Variants in PTPRT observed in about 807,000 individuals in gnomAD.
PTPRT encodes the protein receptor-type tyrosine-protein phosphatase T.
In PTPRT, 56 loss-of-function variants were observed where a neutral mutation model predicts 176.8. The ratio of observed to expected loss-of-function variants is 0.32; its 90% CI spans 0.26 to 0.40. The LOEUF (loss-of-function observed/expected upper bound fraction) is 0.40, where lower values mean the gene tolerates loss of function less well. PTPRT is among the 10% of genes least tolerant of loss of function. PTPRT has a pLI of 1.00. For missense variants in PTPRT, 1,540 were observed against 1,908.2 expected, an observed-to-expected ratio of 0.81 and a Z score of 3.60; for synonymous variants, 783 against 739.0, an observed-to-expected ratio of 1.06 and a Z score of -0.96.
rs1004928855 is a variant in PTPRT, at chr20:42,074,977, G to A, written c.*5902C>T. ...CATGATCCTGAAAAATGTGTCAGAA[G>A]AAACTGGAGCTAGAACAGCTCCCCC... On this transcript the variant is annotated 3_prime_UTR_variant, in exon 31 of 31. Transcript: ENST00000373187. 2 of 395,742 alleles carry A rather than the reference G, an allele frequency of 5.1e-6. No homozygotes were observed. The highest frequency in any genetic ancestry group is 4.1e-5 in the African/African-American group (2 of 48,536). The allele number at this position is 395,742 out of a possible 1,614,324, so 24.5% of individuals were successfully genotyped here. A position where few individuals can be genotyped will look rare whatever the true frequency, so the allele number is the denominator to read the frequency against.
chr20:42,061,961 A>T, the PTPRT span, among the ~76,000 whole-genome samples: 1 of 152,064 alleles, frequency 6.6e-6, no homozygotes, highest in Admixed American at 6.5e-5. Flanking sequence ...TTTGTGATGA[A>T]CAAACCACGC....
At chr20:42,877,891 G>C (rs1446610023) in intron 2 of PTPRT, among the ~76,000 whole-genome samples, 1 of 152,114 alleles carries the variant, frequency 6.6e-6, no homozygotes, top group South Asian at 2.1e-4. Flanking sequence ...CTAGAACAAG[G>C]TGCAATCAGG....
chr20:42,592,015 T>C (rs1055214339), intron 7 of PTPRT, among the ~76,000 whole-genome samples: 9 of 145,736 alleles, frequency 6.2e-5, no homozygotes, highest in Non-Finnish European at 1.0e-4. Context: ...AGTCTCACTC[T>C]GTTGCCCAGG....
At chr20:42,373,303 T>C (rs1294151503) in intron 9 of PTPRT, among the ~76,000 whole-genome samples, 1 of 152,210 alleles carries the variant, frequency 6.6e-6, no homozygotes, top group Non-Finnish European at 1.5e-5. Flanking sequence ...GCCTTGTAAG[T>C]GTCACCAAAG....
chr20:42,768,063 C>G (rs2077010090), intron 5 of PTPRT, among the ~76,000 whole-genome samples: 2 of 148,508 alleles, frequency 1.3e-5, no homozygotes, highest in Non-Finnish European at 3.0e-5. Context: ...CAGCCTACTT[C>G]CAATTACCTG....
At chr20:42,885,706 C>T (rs892658571) in intron 2 of PTPRT, 101 bp downstream of exon 2, 33 of 1,438,476 alleles carry the variant, frequency 2.3e-5, no homozygotes, top group Non-Finnish European at 3.0e-5. Context: ...CTATCGATTG[C>T]CATCTCAGAG....
At chr20:43,032,473 T>TAAAAAA (rs375146456) in intron 1 of PTPRT, among the ~76,000 whole-genome samples, 2 of 121,654 alleles carry the variant, frequency 1.6e-5, no homozygotes, top group African/African-American at 3.0e-5. Flanking sequence ...ATCTTTTCAT[T>TAAAAAA]AAAAAAAAAA....
chr20:42,529,702 G>C (rs2145534540), intron 7 of PTPRT, among the ~76,000 whole-genome samples: 1 of 152,004 alleles, frequency 6.6e-6, no homozygotes, highest in East Asian at 1.9e-4. Context: ...GGCCAGGCTG[G>C]TCTCGAACTT....
At chr20:42,308,458 G>C (rs1404666427) in intron 12 of PTPRT, among the ~76,000 whole-genome samples, 1 of 152,104 alleles carries the variant, frequency 6.6e-6, no homozygotes, top group Non-Finnish European at 1.5e-5. Context: ...GAAGGTGTGT[G>C]CTTCTATGTG....
At chr20:42,404,972 T>TTATATATATATATATATATA (rs200602736) in intron 9 of PTPRT, among the ~76,000 whole-genome samples, 1,180 of 77,510 alleles carry the variant, frequency 0.015, 18 homozygotes, top group Middle Eastern at 0.031. Context: ...GGCCAATTAA[T>TTATATATATATATATATATA]TATATATATA....
At chr20:42,874,254 T>G (rs1459858289) in intron 2 of PTPRT, among the ~76,000 whole-genome samples, 1 of 152,174 alleles carries the variant, frequency 6.6e-6, no homozygotes, top group African/African-American at 2.4e-5. Context: ...AATGTGTCGC[T>G]GACACACGAC....
chr20:42,640,575 G>C (rs952771994), intron 7 of PTPRT, among the ~76,000 whole-genome samples: 2 of 151,986 alleles, frequency 1.3e-5, no homozygotes, highest in African/African-American at 4.8e-5. Context: ...TTTTAGCAGA[G>C]ATAGGTTTTC....
At chr20:42,212,301 T>TAAAAAAAAAA (rs763081026) in intron 15 of PTPRT, among the ~76,000 whole-genome samples, 1 of 53,004 alleles carries the variant, frequency 1.9e-5, no homozygotes, top group Admixed American at 2.3e-4. Context: ...ACTTAAAGTA[T>TAAAAAAAAAA]AAAAAAAAAA....
intron 9 of PTPRT, among the ~76,000 whole-genome samples, chr20:42,441,488 T>C (rs2059315491): frequency 6.6e-6 from 1 of 152,130 alleles, no homozygotes; most frequent in Admixed American, 6.5e-5. Context: ...TGCCAGATCC[T>C]TCAGTGCCTC....
At chr20:42,752,512 C>G (rs1315217648) in intron 6 of PTPRT, among the ~76,000 whole-genome samples, 1 of 152,146 alleles carries the variant, frequency 6.6e-6, no homozygotes, top group Non-Finnish European at 1.5e-5. Context: ...GGGTGGGAAC[C>G]TGTGAGGAGG....
At chr20:42,801,855 G>A (rs376932352) in intron 2 of PTPRT, among the ~76,000 whole-genome samples, 1 of 152,106 alleles carries the variant, frequency 6.6e-6, no homozygotes, top group Non-Finnish European at 1.5e-5. Context: ...CTTGTGGGGG[G>A]GCTAAAAGAA....
chr20:42,879,521 T>G (rs1302529925), intron 2 of PTPRT, among the ~76,000 whole-genome samples: 1 of 152,230 alleles, frequency 6.6e-6, no homozygotes, highest in African/African-American at 2.4e-5. Flanking sequence ...TATTTTCAAT[T>G]AAGTGTGACA....
chr20:42,516,418 A>T (rs1402680207), intron 7 of PTPRT, among the ~76,000 whole-genome samples: 2 of 152,146 alleles, frequency 1.3e-5, no homozygotes, highest in Non-Finnish European at 2.9e-5. Context: ...GAATGTATTC[A>T]TTTATGACTA....
chr20:42,278,313 C>T (rs1471380533), intron 13 of PTPRT, among the ~76,000 whole-genome samples: 1 of 129,654 alleles, frequency 7.7e-6, no homozygotes, highest in African/African-American at 3.8e-5. Flanking sequence ...TATATAGTAG[C>T]CAAAGCATTT....
Sources: gnomAD v4.1 joint callset for allele counts (sites outside exome capture counted in the v4.1 genomes callset) on GRCh38, gnomAD v4.1.1 for gene constraint, MANE v1.5 for transcripts, NCBI Gene and HGNC (gene_info 2026-07-23, HGNC 2026-07-21) for gene names.